The following CTNNA3 variants were observed in gnomAD, a reference collection of about 807,000 sequenced individuals.
CTNNA3 encodes catenin alpha 3, also known as catenin alpha-3.
In CTNNA3, 76 loss-of-function variants were observed where a neutral mutation model predicts 95.7. The observed-to-expected ratio is 0.79, with a 90% CI of 0.66 to 0.96. The LOEUF (loss-of-function observed/expected upper bound fraction) is 0.96, where lower values mean the gene tolerates loss of function less well. Ranked by LOEUF, CTNNA3 falls within the 40% of genes least tolerant of loss-of-function variation. The pLI, the probability that CTNNA3 is intolerant of heterozygous loss-of-function variation, is 0.00. For synonymous variants in CTNNA3, 431 were observed against 374.4 expected, an observed-to-expected ratio of 1.15 and a Z score of -1.74; for missense variants, 1,191 against 1,089.8, an observed-to-expected ratio of 1.09 and a Z score of -1.31.
chr10:67,103,560 C>T (rs1858461017), intron 7 of CTNNA3, among the ~76,000 whole-genome samples: 1 of 151,606 alleles, frequency 6.6e-6, no homozygotes, highest in South Asian at 2.1e-4. Flanking sequence ...GAAGTATAAC[C>T]ACTATTTTAA....
At chr10:67,619,872 T>C (rs1843771998) in intron 2 of CTNNA3, among the ~76,000 whole-genome samples, 1 of 152,100 alleles carries the variant, frequency 6.6e-6, no homozygotes, top group African/African-American at 2.4e-5. Flanking sequence ...AATCTTGCCA[T>C]CACAATCTTG....
chr10:66,586,566 C>G (rs1843366088), intron 10 of CTNNA3, among the ~76,000 whole-genome samples: 2 of 152,134 alleles, frequency 1.3e-5, no homozygotes, highest in Admixed American at 1.3e-4. Flanking sequence ...TTGTGTAAGT[C>G]TGAACCTGTA....
intron 12 of CTNNA3, among the ~76,000 whole-genome samples, chr10:66,337,960 A>G (rs2092414015): frequency 6.6e-6 from 1 of 152,088 alleles, no homozygotes; most frequent in Non-Finnish European, 1.5e-5. Flanking sequence ...CATAGCTAAG[A>G]CAAATAAAGT....
intron 9 of CTNNA3, among the ~76,000 whole-genome samples, chr10:66,746,772 T>C (rs1050082948): frequency 6.6e-6 from 1 of 152,194 alleles, no homozygotes; most frequent in East Asian, 1.9e-4. Context: ...TTTGCACAAC[T>C]ATTTTTCTCC....
chr10:65,966,406 A>T lies in CTNNA3; in HGVS notation c.2400+206T>A, dbSNP rs2276158. Among the ~76,000 whole-genome samples, 16,370 of 152,292 alleles carry T rather than the reference A, an allele frequency of 0.11. 1,108 individuals carry two copies. The highest frequency in any genetic ancestry group is 0.19 in the East Asian group (1,009 of 5,178). On this transcript the variant is annotated intron_variant, in intron 17 of 17. Transcript: ENST00000433211. ...TTACTCTTTAATCTCTGAAGTAAAT[A>T]AAAACAACATTTTTAACCTTTCTTT...
chr10:67,405,915 A>C (rs1432272594), intron 5 of CTNNA3, among the ~76,000 whole-genome samples: 1 of 152,140 alleles, frequency 6.6e-6, no homozygotes, highest in Admixed American at 6.6e-5. Context: ...AAACCCACAT[A>C]ATATGGTTTG....
Position 66,621,784 on chromosome 10 carries a change from C to T in CTNNA3, c.1282G>A (p.Val428Met), listed in dbSNP as rs770912324. The T allele has an allele frequency of 4.4e-6, 7 of 1,589,702 alleles. No homozygotes were observed. The highest frequency in any genetic ancestry group is 2.7e-5 in the African/African-American group (2 of 73,742). The stretch of plus-strand genomic sequence containing the variant: ...GACATGGAACAAGCAAGATTTGCCA[C>T]CTTAAATACAATCCAAAATAATGGA... ...FHEHTSRLVE[V>M]ANLACSMSTN... is the part of the protein sequence containing the mutation. The change falls in exon 10 of 18, where the codon GTG (valine) becomes ATG (methionine). Residue 428 changes from valine to methionine, a missense_variant and splice_region_variant. Transcript: ENST00000433211.
intron 17 of CTNNA3, among the ~76,000 whole-genome samples, chr10:65,924,998 G>A (rs1264341920): frequency 6.6e-6 from 1 of 152,132 alleles, no homozygotes; most frequent in Non-Finnish European, 1.5e-5. Context: ...CTCCCACTGG[G>A]TCCCTCCCAT....
At chr10:67,528,497 T>TA (rs1840216787) in intron 4 of CTNNA3, among the ~76,000 whole-genome samples, 1 of 152,132 alleles carries the variant, frequency 6.6e-6, no homozygotes, top group Non-Finnish European at 1.5e-5. Flanking sequence ...TTACAAGTCT[T>TA]TCAGCATACA....
intron 3 of CTNNA3, among the ~76,000 whole-genome samples, chr10:67,544,431 A>T (rs547766124): frequency 0.13 from 19,665 of 152,102 alleles, 1,569 homozygotes; most frequent in East Asian, 0.31. Flanking sequence ...CAGGAAGGGG[A>T]AACCAAGGCA....
At chr10:66,402,830 C>T (rs1281395565) in intron 11 of CTNNA3, among the ~76,000 whole-genome samples, 6 of 152,098 alleles carry the variant, frequency 3.9e-5, no homozygotes, top group Admixed American at 2.0e-4. Context: ...ACTTGGACCC[C>T]CACAGGGAAC....
chr10:67,349,183 T>G (rs1454836201), intron 5 of CTNNA3, among the ~76,000 whole-genome samples: 1 of 152,166 alleles, frequency 6.6e-6, no homozygotes, highest in Non-Finnish European at 1.5e-5. Context: ...TACCATATGA[T>G]TCAGCAGTCC....
Position 66,925,101 on chromosome 10 carries a change from A to G in CTNNA3, c.1048-149577T>C, listed in dbSNP as rs541811318. Among the ~76,000 whole-genome samples the G allele has an allele frequency of 3.9e-4, 60 of 152,320 alleles. No homozygotes were observed. The South Asian group carries it at 7.0e-3, about 18-fold the overall frequency. On this transcript the variant is annotated intron_variant, in intron 7 of 17. Transcript: ENST00000433211. Reference sequence around the variant, plus strand: ...TCACTGACTTCTTTTTTAAATGAAGATAACAATGTTGTTGAACAGGATCAT... The same window carrying G: ...TCACTGACTTCTTTTTTAAATGAAGGTAACAATGTTGTTGAACAGGATCAT...
intron 9 of CTNNA3, among the ~76,000 whole-genome samples, chr10:66,720,246 G>T (rs544714522): frequency 6.6e-6 from 1 of 152,212 alleles, no homozygotes; most frequent in South Asian, 2.1e-4. Context: ...CTATTTGAAG[G>T]TAAGAAGGTG....
chr10:66,968,530 G>A (rs1244750942), intron 7 of CTNNA3, among the ~76,000 whole-genome samples: 1 of 151,766 alleles, frequency 6.6e-6, no homozygotes, highest in Non-Finnish European at 1.5e-5. Flanking sequence ...CTAAAAAAAC[G>A]TGGTTAGAAG....
At chr10:65,970,452 A>C (rs1190314281) in intron 16 of CTNNA3, among the ~76,000 whole-genome samples, 1 of 151,924 alleles carries the variant, frequency 6.6e-6, no homozygotes, top group Non-Finnish European at 1.5e-5. Flanking sequence ...GAATAGCCTA[A>C]ACCCCCCACT....
At chr10:67,141,000 C>T (rs1047082243) in intron 7 of CTNNA3, among the ~76,000 whole-genome samples, 1 of 152,152 alleles carries the variant, frequency 6.6e-6, no homozygotes, top group Non-Finnish European at 1.5e-5. Context: ...TGATCCCATG[C>T]TTGAGAAGAG....
chr10:67,084,470 T>C (rs1015560875), intron 7 of CTNNA3, among the ~76,000 whole-genome samples: 11 of 152,022 alleles, frequency 7.2e-5, no homozygotes, highest in African/African-American at 2.4e-4. Context: ...TTAATTTAAA[T>C]ATTGTTTATA....
chr10:66,115,376 G>T (rs568073290), intron 13 of CTNNA3, among the ~76,000 whole-genome samples: 8 of 152,276 alleles, frequency 5.3e-5, no homozygotes, highest in African/African-American at 1.9e-4. Flanking sequence ...TTCTGTGGAT[G>T]CGTAAAAGCT....
Sources: allele counts gnomAD v4.1 joint callset (sites outside exome capture counted in the v4.1 genomes callset), GRCh38; gene constraint gnomAD v4.1.1; transcripts MANE v1.5; gene names NCBI Gene and HGNC (gene_info 2026-07-23, HGNC 2026-07-21).